Variants in DGKB observed in about 807,000 individuals in gnomAD.
The protein encoded by DGKB is diacylglycerol kinase beta.
A neutral mutation model predicts 114.3 loss-of-function variants in DGKB; 67 were observed. The ratio of observed to expected loss-of-function variants is 0.59; its 90% CI spans 0.48 to 0.72. The LOEUF is 0.72. Ranked by LOEUF, DGKB falls within the 30% of genes least tolerant of loss-of-function variation. The pLI is 0.00. For synonymous variants in DGKB, 398 were observed against 323.1 expected, an observed-to-expected ratio of 1.23 and a Z score of -2.49; for missense variants, 907 against 975.2, an observed-to-expected ratio of 0.93 and a Z score of 0.93.
intron 9 of DGKB, among the ~76,000 whole-genome samples, chr7:14,693,624 A>G (rs1823292584): frequency 6.6e-6 from 1 of 151,330 alleles, no homozygotes; most frequent in African/African-American, 2.4e-5. Flanking sequence ...GGCACCACTA[A>G]TCTTTAAACC....
At chr7:14,768,331 C>G (rs1190809301) in intron 2 of DGKB, among the ~76,000 whole-genome samples, 1 of 151,924 alleles carries the variant, frequency 6.6e-6, no homozygotes, top group East Asian at 1.9e-4. Flanking sequence ...CAGATCTTGG[C>G]TCTTAGATGA....
In DGKB at chr7:14,182,223, AT is replaced by A. The variant is rs201533539; in HGVS notation, c.2123-4073del. Among the ~76,000 whole-genome samples the A allele has an allele frequency of 6.9e-3, 1,042 of 151,828 alleles. 6 individuals carry two copies. Among genetic ancestry groups the A allele is most frequent in the African/African-American group, 0.012 (484 of 41,454 alleles). On this transcript the variant is annotated intron_variant, in intron 23 of 25. Coordinates refer to ENST00000402815, the MANE Select transcript of DGKB (RefSeq NM_001350709.2). ...AAAATAAAATAACACATTAAATTTTATTTTTTTTATTTTTATCTTATGTAAT... is the reference window on the plus strand; with the variant it reads ...AAAATAAAATAACACATTAAATTTTATTTTTTTATTTTTATCTTATGTAAT...
chr7:14,393,625 T>C (rs182834749), intron 21 of DGKB, among the ~76,000 whole-genome samples: 12 of 152,290 alleles, frequency 7.9e-5, no homozygotes. Flanking sequence ...TCTCGAAGGA[T>C]CATGAAATAT....
Position 14,513,898 on chromosome 7 carries a change from C to G in DGKB, c.1771-35673G>C, listed in dbSNP as rs550186706. Reference sequence around the variant, plus strand: ...CTAGTTACTAACTAGTTAAAATGTTCTACCTTTTATTTTATACCAAAATTT... The same window carrying G: ...CTAGTTACTAACTAGTTAAAATGTTGTACCTTTTATTTTATACCAAAATTT... On this transcript the variant is annotated intron_variant, in intron 20 of 25. Coordinates refer to ENST00000402815, the MANE Select transcript of DGKB (RefSeq NM_001350709.2). Among the ~76,000 whole-genome samples the G allele has an allele frequency of 2.0e-5, 3 of 152,078 alleles. No homozygotes were observed. In the South Asian group the frequency reaches 6.2e-4, roughly 32 times the overall value.
At chr7:14,520,208 C>CTCTTT (rs1319688779) in intron 20 of DGKB, among the ~76,000 whole-genome samples, 1 of 89,262 alleles carries the variant, frequency 1.1e-5, no homozygotes, top group Admixed American at 1.3e-4. Context: ...ATCTTTTTTC[C>CTCTTT]TATTTTTTTT....
chr7:14,546,034 A>G (rs987242045), intron 20 of DGKB, among the ~76,000 whole-genome samples: 11 of 152,192 alleles, frequency 7.2e-5, no homozygotes, highest in Admixed American at 2.0e-4. Flanking sequence ...CTGACTGATA[A>G]TCATTAGACA....
At chr7:14,588,508 G>A (rs1801147100) in intron 17 of DGKB, among the ~76,000 whole-genome samples, 1 of 151,988 alleles carries the variant, frequency 6.6e-6, no homozygotes, top group South Asian at 2.1e-4. Flanking sequence ...TTGTTGTGGT[G>A]TGAAGTACTT....
Position 14,147,296 on chromosome 7 carries a change from G to A in DGKB, c.*1835C>T, listed in dbSNP as rs1262433371. On this transcript the variant is annotated 3_prime_UTR_variant, in exon 26 of 26. Transcript: ENST00000402815. ...GCAATTGTAATCATAATTTTCCTGG[G>A]AATGCTAAATTATGTCTTAATTTTA... 3.3e-5 allele frequency: 5 copies of A among 152,150 alleles called. No individual in the cohort carries two copies. In the East Asian group the frequency reaches 7.7e-4, roughly 24 times the overall value. The allele number at this position is 152,150 out of a possible 1,614,324, so 9.4% of individuals were successfully genotyped here.
chr7:14,265,324 T>TTTTTTTC (rs1554314778), intron 23 of DGKB, among the ~76,000 whole-genome samples: 2 of 137,898 alleles, frequency 1.5e-5, no homozygotes, highest in Non-Finnish European at 3.1e-5. Flanking sequence ...CATTCTTTTT[T>TTTTTTTC]TTTTTTTTTT....
chr7:14,209,386 T>C, intron 23 of DGKB: 1 of 465,856 alleles, frequency 2.1e-6, no homozygotes, highest in South Asian at 1.6e-5. Flanking sequence ...TGCTTGCAAC[T>C]ATAAAAACAA....
intron 25 of DGKB, among the ~76,000 whole-genome samples, chr7:14,161,124 C>T (rs552939241): frequency 1.5e-4 from 23 of 152,272 alleles, no homozygotes; most frequent in African/African-American, 4.1e-4. Flanking sequence ...TAACATCTCA[C>T]GCCAGTTAGA....
intron 1 of DGKB, among the ~76,000 whole-genome samples, chr7:14,856,020 C>CACCA (rs3036255): frequency 0.02 from 2,934 of 148,774 alleles, 69 homozygotes; most frequent in African/African-American, 0.056. Context: ...CACACACACA[C>CACCA]ATAATTAACA....
At chr7:14,802,989 A>C (rs1377636737) in intron 2 of DGKB, among the ~76,000 whole-genome samples, 1 of 152,224 alleles carries the variant, frequency 6.6e-6, no homozygotes, top group African/African-American at 2.4e-5. Flanking sequence ...GTGCTGTAAT[A>C]AACAAAGCAC....
chr7:14,485,849 C>T (rs1301325350), intron 20 of DGKB, among the ~76,000 whole-genome samples: 1 of 150,138 alleles, frequency 6.7e-6, no homozygotes. Context: ...TAAGACTGCG[C>T]CATTGCACTC....
chr7:14,871,732 T>C (rs965156272), intron 1 of DGKB, among the ~76,000 whole-genome samples: 5 of 152,212 alleles, frequency 3.3e-5, no homozygotes, highest in Admixed American at 6.5e-5. Flanking sequence ...GTGAGCTTTT[T>C]CTAAGTGCCT....
At chr7:14,224,466 G>C (rs1463049700) in intron 23 of DGKB, among the ~76,000 whole-genome samples, 1 of 151,906 alleles carries the variant, frequency 6.6e-6, no homozygotes, top group African/African-American at 2.4e-5. Context: ...TGAAGGCTTT[G>C]TCTGTTTAAC....
chr7:14,579,684 C>G (rs1028909407), intron 19 of DGKB, among the ~76,000 whole-genome samples: 2 of 152,056 alleles, frequency 1.3e-5, no homozygotes, highest in African/African-American at 4.8e-5. Flanking sequence ...ATACTAAGCT[C>G]TTGACTTAGT....
intron 20 of DGKB, among the ~76,000 whole-genome samples, chr7:14,516,065 C>A (rs1192936261): frequency 6.6e-6 from 1 of 152,102 alleles, no homozygotes; most frequent in Non-Finnish European, 1.5e-5. Context: ...CCAGGCTGGT[C>A]TCATACTCCT....
chr7:14,348,212 A>G (rs1452553761), intron 21 of DGKB, among the ~76,000 whole-genome samples: 1 of 149,930 alleles, frequency 6.7e-6, no homozygotes, highest in African/African-American at 2.5e-5. Context: ...CTCTAGTTCT[A>G]TAATTTTGTT....
Sources: allele counts gnomAD v4.1 joint callset (sites outside exome capture counted in the v4.1 genomes callset), GRCh38; gene constraint gnomAD v4.1.1; transcripts MANE v1.5; gene names NCBI Gene and HGNC (gene_info 2026-07-23, HGNC 2026-07-21).